Variants in LRP1B observed in about 807,000 individuals in gnomAD.
LRP1B encodes the protein LDL receptor related protein 1B, also known as low-density lipoprotein receptor-related protein 1B.
A neutral mutation model predicts 556.6 loss-of-function variants in LRP1B; 217 were observed. That is an observed-to-expected ratio of 0.39 (90% CI 0.35 to 0.44). LRP1B has a LOEUF of 0.44. Ranked by LOEUF, LRP1B falls within the 20% of genes least tolerant of loss-of-function variation. The probability of loss-of-function intolerance (pLI) is 1.00; values close to 1 mark genes in which losing one functional copy is unlikely to be tolerated. For missense variants in LRP1B, 5,053 were observed against 5,620.8 expected (o/e 0.90, Z 3.23); for synonymous variants, 2,047 against 1,865.8 (o/e 1.10, Z -2.50).
At chr2:140,520,425 G>A (rs1690110948) in intron 49 of LRP1B, among the ~76,000 whole-genome samples, 1 of 151,938 alleles carries the variant, frequency 6.6e-6, no homozygotes, top group African/African-American at 2.4e-5. Flanking sequence ...TGGACACAGG[G>A]CAGGGAACAT....
intron 3 of LRP1B, among the ~76,000 whole-genome samples, chr2:141,395,362 A>G (rs979905800): frequency 6.6e-6 from 1 of 152,060 alleles, no homozygotes; most frequent in Non-Finnish European, 1.5e-5. Flanking sequence ...TTGATACACA[A>G]GTTCTTATTA....
At chr2:140,816,196 C>A (rs889888708) in intron 31 of LRP1B, among the ~76,000 whole-genome samples, 5 of 152,000 alleles carry the variant, frequency 3.3e-5, no homozygotes, top group African/African-American at 1.2e-4. Context: ...CGGCTCACTA[C>A]AACCTCCACC....
In LRP1B at chr2:141,662,517, C is replaced by G. The variant is rs549223207; in HGVS notation, c.205+147762G>C. 1.1e-4 allele frequency among the ~76,000 whole-genome samples: 17 copies of G among 152,094 alleles called. No individual in the cohort carries two copies. In the South Asian group the frequency reaches 3.5e-3, roughly 32 times the overall value. On this transcript the variant is annotated intron_variant, in intron 2 of 90. Coordinates refer to ENST00000389484, the MANE Select transcript of LRP1B (RefSeq NM_018557.3). ...CAAGCAAATGGAAAGCAGAAAAAAGCACAAGCTGCAATCCTAGTTTCTGAC... is the reference window on the plus strand; with the variant it reads ...CAAGCAAATGGAAAGCAGAAAAAAGGACAAGCTGCAATCCTAGTTTCTGAC...
chr2:141,564,155 T>C (rs1243216688), intron 2 of LRP1B, among the ~76,000 whole-genome samples: 1 of 152,092 alleles, frequency 6.6e-6, no homozygotes, highest in African/African-American at 2.4e-5. Context: ...AAGGACTTAT[T>C]TGTGTTAACA....
intron 2 of LRP1B, among the ~76,000 whole-genome samples, chr2:141,506,744 A>T (rs1683947519): frequency 6.6e-6 from 1 of 152,104 alleles, no homozygotes; most frequent in South Asian, 2.1e-4. Context: ...ACAGAAAAAA[A>T]AAATTTACTT....
At chr2:140,276,235 C>G (rs551893359) in intron 84 of LRP1B, among the ~76,000 whole-genome samples, 1 of 151,960 alleles carries the variant, frequency 6.6e-6, no homozygotes, top group South Asian at 2.1e-4. Flanking sequence ...GTTTATCTAG[C>G]CCTTTATTAA....
intron 37 of LRP1B, among the ~76,000 whole-genome samples, chr2:140,713,271 C>T (rs1442522544): frequency 6.6e-6 from 1 of 151,802 alleles, no homozygotes; most frequent in Non-Finnish European, 1.5e-5. Context: ...TCCCTCTCTC[C>T]AAATTTGACC....
chr2:141,184,537 CATTAG>C (rs943256218), intron 7 of LRP1B, among the ~76,000 whole-genome samples: 37 of 151,620 alleles, frequency 2.4e-4, no homozygotes, highest in African/African-American at 8.5e-4. Flanking sequence ...AGTTGATTAT[CATTAG>C]ATTATACCCC....
rs62173049 is a variant in LRP1B, at chr2:140,528,307, T to C, written c.7763-1957A>G. On this transcript the variant is annotated intron_variant, in intron 47 of 90. Transcript: ENST00000389484. ...GGACAAATGGAACACAGTCTTAGATTGAGTTCTGGAAACAAGAAAGAAATA... is the reference window on the plus strand; with the variant it reads ...GGACAAATGGAACACAGTCTTAGATCGAGTTCTGGAAACAAGAAAGAAATA... Among the ~76,000 whole-genome samples the C allele has an allele frequency of 7.4e-3, 1,129 of 152,050 alleles. 17 individuals carry two copies. Among genetic ancestry groups the C allele is most frequent in the East Asian group, 0.058 (298 of 5,156 alleles).
intron 2 of LRP1B, among the ~76,000 whole-genome samples, chr2:141,507,432 C>G (rs967724784): frequency 6.6e-6 from 1 of 152,074 alleles, no homozygotes; most frequent in Admixed American, 6.6e-5. Context: ...TTTCCAATTA[C>G]AAAATTATTC....
chr2:141,791,669 G>GA (rs1695616103), intron 2 of LRP1B, among the ~76,000 whole-genome samples: 2 of 152,002 alleles, frequency 1.3e-5, no homozygotes, highest in Admixed American at 1.3e-4. Context: ...GGTGATTTTC[G>GA]AAATGATTAA....
intron 7 of LRP1B, among the ~76,000 whole-genome samples, chr2:141,129,036 T>G (rs553432276): frequency 6.6e-6 from 1 of 152,148 alleles, no homozygotes; most frequent in African/African-American, 2.4e-5. Flanking sequence ...ATATGATAAA[T>G]GTACTAAGTT....
At chr2:140,655,508 T>C (rs888296141) in intron 41 of LRP1B, among the ~76,000 whole-genome samples, 1 of 152,228 alleles carries the variant, frequency 6.6e-6, no homozygotes, top group Non-Finnish European at 1.5e-5. Flanking sequence ...GAATTTAAGA[T>C]AGTGGTTTCC....
chr2:141,236,425 T>C (rs1467738024), intron 5 of LRP1B, among the ~76,000 whole-genome samples: 4 of 151,668 alleles, frequency 2.6e-5, no homozygotes, highest in Non-Finnish European at 5.9e-5. Flanking sequence ...AAATAGAGAG[T>C]AGAATGTTTG....
chr2:140,557,686 T>G (rs909290278), intron 43 of LRP1B, among the ~76,000 whole-genome samples: 10 of 152,192 alleles, frequency 6.6e-5, no homozygotes, highest in Non-Finnish European at 1.3e-4. Flanking sequence ...TTGTATTGGC[T>G]GTTCTCTATG....
Position 140,998,430 on chromosome 2 carries a change from T to C in LRP1B, c.2504-4295A>G, listed in dbSNP as rs572224414. Among the ~76,000 whole-genome samples the C allele has an allele frequency of 1.3e-4, 20 of 152,170 alleles. No homozygotes were observed. The South Asian group carries it at 3.9e-3, about 30-fold the overall frequency. ...TGTCTTCATTTATTAATATTCTATATTGTGTTTTTTTCCCACAAACATGTT... is the reference window on the plus strand; with the variant it reads ...TGTCTTCATTTATTAATATTCTATACTGTGTTTTTTTCCCACAAACATGTT... On this transcript the variant is annotated intron_variant, in intron 15 of 90. Transcript: ENST00000389484.
chr2:141,213,235 G>GC (rs200057099), intron 6 of LRP1B, among the ~76,000 whole-genome samples: 1 of 151,622 alleles, frequency 6.6e-6, no homozygotes, highest in Non-Finnish European at 1.5e-5. Flanking sequence ...ACAGACATGA[G>GC]CCCCCATGCC....
chr2:140,435,391 C>A (rs972592306), intron 66 of LRP1B, among the ~76,000 whole-genome samples: 1 of 151,944 alleles, frequency 6.6e-6, no homozygotes, highest in Non-Finnish European at 1.5e-5. Flanking sequence ...GTTTTTCAAA[C>A]AAAAATATAA....
chr2:141,613,220 CTT>C (rs1688171816), intron 2 of LRP1B, among the ~76,000 whole-genome samples: 1 of 151,974 alleles, frequency 6.6e-6, no homozygotes, highest in African/African-American at 2.4e-5. Context: ...GCTTATTCTC[CTT>C]TCTCTCTGGT....
Sources: gnomAD v4.1 joint callset for allele counts (sites outside exome capture counted in the v4.1 genomes callset) on GRCh38, gnomAD v4.1.1 for gene constraint, MANE v1.5 for transcripts, NCBI Gene and HGNC (gene_info 2026-07-23, HGNC 2026-07-21) for gene names.